ATF6: variants seen among roughly 807,000 people sequenced by gnomAD.
ATF6 encodes the protein activating transcription factor 6, also known as cyclic AMP-dependent transcription factor ATF-6 alpha.
ATF6 carries 53 observed loss-of-function variants against 83.6 expected under a neutral mutation model. That is an observed-to-expected ratio of 0.63 (90% confidence interval 0.51 to 0.80). The LOEUF (loss-of-function observed/expected upper bound fraction) is 0.80. ATF6 is among the 30% of genes least tolerant of loss of function. The pLI is 0.00. For missense variants in ATF6, 744 were observed against 797.9 expected, an observed-to-expected ratio of 0.93 and a Z score of 0.81; for synonymous variants, 288 against 285.8, an observed-to-expected ratio of 1.01 and a Z score of -0.08.
intron 1 of ATF6, among the ~76,000 whole-genome samples, chr1:161,774,939 C>G (rs1287491223): frequency 6.6e-6 from 1 of 152,088 alleles, no homozygotes; most frequent in East Asian, 1.9e-4. Context: ...GTCTTTTATT[C>G]GACAAGATGA....
At chr1:161,770,067 AT>A (rs1443288947) in intron 1 of ATF6, among the ~76,000 whole-genome samples, 1 of 151,864 alleles carries the variant, frequency 6.6e-6, no homozygotes, top group Non-Finnish European at 1.5e-5. Flanking sequence ...TGCTCTACCT[AT>A]TTTTTCCTCC....
At chr1:161,937,203 G>C (rs1188188018) in intron 15 of ATF6, among the ~76,000 whole-genome samples, 2 of 151,968 alleles carry the variant, frequency 1.3e-5, no homozygotes, top group Non-Finnish European at 2.9e-5. Context: ...GGCCAGGTGT[G>C]GTGAGGCATG....
chr1:161,840,472 A>T (rs1686328635), intron 9 of ATF6: 1 of 152,222 alleles, frequency 6.6e-6, no homozygotes, highest in Non-Finnish European at 1.5e-5. Flanking sequence ...TTACCTGGTA[A>T]GATGGCTTGA....
intron 14 of ATF6, among the ~76,000 whole-genome samples, chr1:161,898,300 G>T (rs985555458): frequency 6.6e-6 from 1 of 152,108 alleles, no homozygotes; most frequent in Admixed American, 6.6e-5. Flanking sequence ...ATTCAGGGCT[G>T]CTCCATATGC....
intron 9 of ATF6, among the ~76,000 whole-genome samples, chr1:161,837,070 A>C (rs192853258): frequency 6.6e-6 from 1 of 152,296 alleles, no homozygotes; most frequent in East Asian, 1.9e-4. Flanking sequence ...TTCAGTACTT[A>C]ATATAGCTGG....
intron 10 of ATF6, among the ~76,000 whole-genome samples, chr1:161,846,781 A>G (rs969311031): frequency 2.0e-5 from 3 of 152,098 alleles, no homozygotes; most frequent in Non-Finnish European, 4.4e-5. Context: ...TAGTTTTAAA[A>G]TTCCTATAGA....
intron 9 of ATF6, among the ~76,000 whole-genome samples, chr1:161,845,235 A>G (rs1686454212): frequency 6.6e-6 from 1 of 152,208 alleles, no homozygotes; most frequent in African/African-American, 2.4e-5. Flanking sequence ...TATTATCTCA[A>G]AGAACCGCTT....
At chr1:161,860,102 A>C (rs1356989268) in intron 12 of ATF6, 105 bp from the exon 13 acceptor site, 1 of 605,916 alleles carries the variant, frequency 1.7e-6, no homozygotes, top group Non-Finnish European at 2.7e-6. Context: ...CAGAAATCTT[A>C]GCAATGGAAG....
intron 12 of ATF6, among the ~76,000 whole-genome samples, chr1:161,858,560 T>C (rs939908153): frequency 3.3e-5 from 5 of 152,106 alleles, no homozygotes; most frequent in African/African-American, 1.2e-4. Flanking sequence ...AAAAGGAGCA[T>C]ACAAGGAAGA....
intron 9 of ATF6, among the ~76,000 whole-genome samples, chr1:161,831,797 G>C (rs982894414): frequency 7.5e-6 from 1 of 132,918 alleles, no homozygotes; most frequent in Non-Finnish European, 1.6e-5. Context: ...GCCTGTGGTG[G>C]GGTCGGGGGA....
chr1:161,827,292 G>A (rs1685928082), intron 9 of ATF6, among the ~76,000 whole-genome samples: 1 of 152,130 alleles, frequency 6.6e-6, no homozygotes, highest in Non-Finnish European at 1.5e-5. Flanking sequence ...TGCCAGAGGA[G>A]CAGGAACTTC....
intron 7 of ATF6, among the ~76,000 whole-genome samples, chr1:161,807,331 A>G (rs892203625): frequency 3.9e-5 from 6 of 152,392 alleles, no homozygotes; most frequent in Admixed American, 3.9e-4. Context: ...TATCTGTAAC[A>G]TCCAAGAATA....
At chr1:161,954,751 C>T (rs577631855) in intron 15 of ATF6, among the ~76,000 whole-genome samples, 177 of 152,284 alleles carry the variant, frequency 1.2e-3, no homozygotes, top group Non-Finnish European at 2.1e-3. Context: ...GTTTAGTGCT[C>T]ATATTTGAAG....
At chr1:161,911,407 T>C (rs1687989539) in intron 14 of ATF6, among the ~76,000 whole-genome samples, 1 of 152,210 alleles carries the variant, frequency 6.6e-6, no homozygotes, top group Non-Finnish European at 1.5e-5. Context: ...CCTACAGATG[T>C]ATATACATTT....
In ATF6 at chr1:161,926,695, T is replaced by C. The variant is rs115957740; in HGVS notation, c.1804+14315T>C. On this transcript the variant is annotated intron_variant, in intron 15 of 15. Transcript: ENST00000367942. ...TATGAATACCAGAAAGTGGGGATCA[T>C]TTGGGGGCATCCTAGAGGCTGCCTT... 3.1e-3 allele frequency among the ~76,000 whole-genome samples: 466 copies of C among 152,252 alleles called. 3 individuals are homozygous for C. Among genetic ancestry groups the C allele is most frequent in the African/African-American group, 0.011 (438 of 41,540 alleles).
In ATF6 at chr1:161,960,940, A is replaced by G. The variant is rs2499853; in HGVS notation, c.*2286A>G. ...CCCCAAGATGCTAATCTTCTGCTGG[A>G]ACTGTCATACGTTATCATGGTCAAT... On this transcript the variant is annotated 3_prime_UTR_variant, in exon 16 of 16. Coordinates refer to ENST00000367942, the MANE Select transcript of ATF6 (RefSeq NM_007348.4). 39,501 of 152,092 alleles carry G rather than the reference A, an allele frequency of 0.26. 5,916 individuals are homozygous for G. Among genetic ancestry groups the G allele is most frequent in the Non-Finnish European group, 0.34 (23,312 of 67,986 alleles). The allele number at this position is 152,092 out of a possible 1,614,324, so 9.4% of individuals were successfully genotyped here.
intron 14 of ATF6, among the ~76,000 whole-genome samples, chr1:161,877,410 G>A (rs1687238450): frequency 6.6e-6 from 1 of 152,060 alleles, no homozygotes; most frequent in South Asian, 2.1e-4. Context: ...TCTCAAACAT[G>A]GGGGGAATTC....
At chr1:161,826,827 GAAC>G (rs1685911994) in intron 9 of ATF6, among the ~76,000 whole-genome samples, 1 of 151,858 alleles carries the variant, frequency 6.6e-6, no homozygotes, top group African/African-American at 2.4e-5. Flanking sequence ...AAAGCCCAGA[GAAC>G]AACAGTGATT....
At chr1:161,916,354 T>TG (rs1461700978) in intron 15 of ATF6, among the ~76,000 whole-genome samples, 1 of 152,222 alleles carries the variant, frequency 6.6e-6, no homozygotes, top group Non-Finnish European at 1.5e-5. Flanking sequence ...TACCACCAAT[T>TG]GTTAACATTT....
Sources: gnomAD v4.1 joint callset for allele counts (sites outside exome capture counted in the v4.1 genomes callset) on GRCh38, gnomAD v4.1.1 for gene constraint, MANE v1.5 for transcripts, NCBI Gene and HGNC (gene_info 2026-07-23, HGNC 2026-07-21) for gene names.